The following GINS2 variants were observed in gnomAD, a reference collection of about 807,000 sequenced individuals.
The protein encoded by GINS2 is DNA replication complex GINS protein PSF2.
A neutral mutation model predicts 21.2 loss-of-function variants in GINS2; 23 were observed. The observed-to-expected ratio is 1.08, with a 90% CI of 0.78 to 1.53. GINS2 has a LOEUF of 1.53. GINS2 is among the 40% of genes most tolerant of loss of function. The probability of loss-of-function intolerance (pLI) is 0.00; values close to 1 mark genes in which losing one functional copy is unlikely to be tolerated. For missense variants in GINS2, 323 were observed against 233.9 expected (o/e 1.38, Z -2.49); for synonymous variants, 118 against 85.6 (o/e 1.38, Z -2.09).
chr16:85,683,902 G>C (rs1027267797), intron 2 of GINS2, among the ~76,000 whole-genome samples: 2 of 152,186 alleles, frequency 1.3e-5, no homozygotes. Flanking sequence ...TAAAGGCTCA[G>C]CTGCTTTGAA....
At chr16:85,681,932 T>C (rs1479430360) in intron 2 of GINS2, among the ~76,000 whole-genome samples, 1 of 152,008 alleles carries the variant, frequency 6.6e-6, no homozygotes, top group Non-Finnish European at 1.5e-5. Context: ...CTAAAAACAA[T>C]GTTAGAGTCA....
intron 3 of GINS2, 46 bp from the exon 4 acceptor site, chr16:85,678,712 T>C: frequency 6.3e-7 from 1 of 1,591,348 alleles, no homozygotes; most frequent in Middle Eastern, 1.7e-4. Flanking sequence ...CTTGATAACC[T>C]GAGGCAATGC....
At chr16:85,679,033 C>T (rs997608617) in intron 3 of GINS2, among the ~76,000 whole-genome samples, 2 of 152,170 alleles carry the variant, frequency 1.3e-5, no homozygotes, top group African/African-American at 4.8e-5. Context: ...GCTCAAAGGT[C>T]GAGTTCTATT....
intron 3 of GINS2, among the ~76,000 whole-genome samples, chr16:85,680,781 A>G (rs1173016964): frequency 6.6e-6 from 1 of 152,070 alleles, no homozygotes; most frequent in Non-Finnish European, 1.5e-5. Context: ...AGTATATGCA[A>G]AGTCAGAATG....
intron 1 of GINS2, 27 bp from the exon 2 acceptor site, chr16:85,687,601 A>G: frequency 7.5e-7 from 1 of 1,327,028 alleles, no homozygotes; most frequent in South Asian, 1.4e-5. Context: ...AATTCCCCGT[A>G]AGATTGAAAA....
intron 2 of GINS2, among the ~76,000 whole-genome samples, chr16:85,683,470 C>T (rs2053750927): frequency 6.6e-6 from 1 of 152,188 alleles, no homozygotes; most frequent in East Asian, 1.9e-4. Context: ...CACAACAGTT[C>T]AAACCCCCAA....
chr16:85,687,613 G>T (rs1028005160), intron 1 of GINS2, 39 bp from the exon 2 acceptor site: 4 of 1,270,088 alleles, frequency 3.1e-6, no homozygotes, highest in Non-Finnish European at 3.3e-6. Context: ...GATTGAAAAA[G>T]AACAAAAAAA....
chr16:85,687,002 G>A (rs962900876), intron 2 of GINS2, among the ~76,000 whole-genome samples: 5 of 152,324 alleles, frequency 3.3e-5, no homozygotes, highest in East Asian at 1.9e-4. Flanking sequence ...TGGCCAGATC[G>A]CTTGACCCCA....
rs752631926 is a variant in GINS2, at chr16:85,685,670, C to CAAAAAAAAAAAAAAAAAAAAAAA, written c.205+1789_205+1790insTTTTTTTTTTTTTTTTTTTTTTT. Among the ~76,000 whole-genome samples the CAAAAAAAAAAAAAAAAAAAAAAA allele has an allele frequency of 2.4e-3, 134 of 55,190 alleles. 5 individuals are homozygous for CAAAAAAAAAAAAAAAAAAAAAAA. The highest frequency in any genetic ancestry group is 4.3e-3 in the East Asian group (6 of 1,394). The allele number at this position is 55,190 out of a possible 152,430, so 36.2% of individuals were successfully genotyped here. On this transcript the variant is annotated intron_variant, in intron 2 of 4. Transcript: ENST00000253462. ...TGGGTGACAGAGCAAGACCCTTTCT[C>CAAAAAAAAAAAAAAAAAAAAAAA]AAAAAAAAAAAAAAAAAAAAACCGT... is the stretch of plus-strand genomic sequence containing the variant.
rs2053734619 is a variant in GINS2 at position 85,681,681 on chromosome 16, T to A, written c.206A>T (p.Glu69Val). 1.3e-6 allele frequency: 2 copies of A among 1,587,842 alleles called. No homozygotes were observed. The highest frequency in any genetic ancestry group is 2.7e-5 in the African/African-American group (2 of 74,510). The change falls in exon 3 of 5, where the codon GAA (glutamate) becomes GTA (valine). Residue 69 changes from glutamate to valine, a missense_variant and splice_region_variant. Coordinates refer to ENST00000253462, the MANE Select transcript of GINS2 (RefSeq NM_016095.3). ...ATGATCCCTCATCTTCTCCAACTTTTCTGAAATTTAGAAGTTAATACATTT... is the reference window on the plus strand; with the variant it reads ...ATGATCCCTCATCTTCTCCAACTTTACTGAAATTTAGAAGTTAATACATTT... ...RLLPPEWMDV[E>V]KLEKMRDHER...
Position 85,682,482 on chromosome 16 carries a change from A to G in GINS2, c.206-801T>C, listed in dbSNP as rs112010538. On this transcript the variant is annotated intron_variant, in intron 2 of 4. Coordinates refer to ENST00000253462, the MANE Select transcript of GINS2 (RefSeq NM_016095.3). ...GCCACCCCAGCCTGGGCGTGATACA[A>G]TATCCTAGGGGCTAAGCCACCCCAG... is the stretch of plus-strand genomic sequence containing the variant. Among the ~76,000 whole-genome samples, 287 of 151,354 alleles carry G rather than the reference A, an allele frequency of 1.9e-3. 2 individuals are homozygous for G. The highest frequency in any genetic ancestry group is 6.7e-3 in the African/African-American group (277 of 41,166).
intron 3 of GINS2, 51 bp from the exon 4 acceptor site, chr16:85,678,717 C>T (rs768569140): frequency 8.2e-6 from 13 of 1,584,856 alleles, no homozygotes; most frequent in Non-Finnish European, 8.6e-7. Context: ...TAACCTGAGG[C>T]AATGCTGGAT....
intron 2 of GINS2, among the ~76,000 whole-genome samples, chr16:85,686,591 AC>A (rs1254565054): frequency 6.6e-6 from 1 of 151,916 alleles, no homozygotes; most frequent in Non-Finnish European, 1.5e-5. Flanking sequence ...CCAAAGCAAG[AC>A]CCCCATACTT....
In GINS2 at chr16:85,678,236, C is replaced by T; in HGVS notation, c.534G>A (p.Glu178=). ...TCTAGAAGTCCTGAGACTGAGTACT[C>T]TCCAGAGGCTGGAGGTTCGTGCGGA... ...YKLRTNLQPL[E]STQSQDF The change falls in exon 5 of 5, where the codon GAG becomes GAA. Residue 178 remains glutamate, a synonymous_variant. Transcript: ENST00000253462. 6.2e-7 allele frequency: 1 copy of T among 1,613,708 alleles called. No individual in the cohort carries two copies. Among genetic ancestry groups the T allele is most frequent in the Non-Finnish European group, 8.5e-7 (1 of 1,179,908 alleles).
intron 2 of GINS2, 133 bp downstream of exon 2, chr16:85,687,327 A>T: frequency 1.9e-6 from 1 of 538,896 alleles, no homozygotes; most frequent in East Asian, 3.0e-5. Context: ...CTTTCAGCTG[A>T]TCAGTAGATA....
intron 1 of GINS2, 67 bp from the exon 2 acceptor site, chr16:85,687,641 T>C (rs952022531): frequency 1.1e-5 from 10 of 879,300 alleles, no homozygotes; most frequent in Admixed American, 6.2e-5. Context: ...TGTGCGTTAC[T>C]GCTATCAAAT....
In GINS2 at chr16:85,677,604, G is replaced by T. The variant is rs954038799; in HGVS notation, c.*608C>A. The T allele has an allele frequency of 6.6e-6, 1 of 152,268 alleles. No individual in the cohort carries two copies. Among genetic ancestry groups the T allele is most frequent in the Non-Finnish European group, 1.5e-5 (1 of 68,092 alleles). 9.4% of individuals were successfully genotyped at this position (152,268 alleles called of 1,614,324 possible). On this transcript the variant is annotated 3_prime_UTR_variant, in exon 5 of 5. Coordinates refer to ENST00000253462, the MANE Select transcript of GINS2 (RefSeq NM_016095.3). Reference sequence around the variant, plus strand: ...CGTGTGCCTCAGTTTCGTTGACTGAGTCATCTCAGCCACAGGCTCAGTCCT... The same window carrying T: ...CGTGTGCCTCAGTTTCGTTGACTGATTCATCTCAGCCACAGGCTCAGTCCT...
chr16:85,680,189 C>T (rs2053719985), intron 3 of GINS2, among the ~76,000 whole-genome samples: 1 of 152,206 alleles, frequency 6.6e-6, no homozygotes, highest in South Asian at 2.1e-4. Context: ...AACGCCACTG[C>T]CGAGTGGAAT....
At chr16:85,684,618 G>C (rs1407936393) in intron 2 of GINS2, among the ~76,000 whole-genome samples, 1 of 151,842 alleles carries the variant, frequency 6.6e-6, no homozygotes, top group African/African-American at 2.4e-5. Flanking sequence ...TAGCCAGGTG[G>C]TGTGAATATG....
Sources: gnomAD v4.1 joint callset for allele counts (sites outside exome capture counted in the v4.1 genomes callset) on GRCh38, gnomAD v4.1.1 for gene constraint, MANE v1.5 for transcripts, NCBI Gene and HGNC (gene_info 2026-07-23, HGNC 2026-07-21) for gene names.